MKKS: variants seen among roughly 807,000 people sequenced by gnomAD.
MKKS encodes molecular chaperone MKKS.
MKKS carries 29 observed loss-of-function variants against 33.2 expected under a neutral mutation model. That is an observed-to-expected ratio of 0.87 (90% CI 0.65 to 1.19). MKKS has a LOEUF of 1.19. MKKS is among the 50% of genes most tolerant of loss of function. The probability of loss-of-function intolerance (pLI) is 0.00; values close to 1 mark genes in which losing one functional copy is unlikely to be tolerated. For missense variants in MKKS, 661 were observed against 662.3 expected (o/e 1.00, Z 0.02); for synonymous variants, 260 against 244.0 (o/e 1.07, Z -0.61).
At position 10,405,365 on chromosome 20, in the gene MKKS, C is replaced by A. The variant is rs1545; in HGVS notation, c.1595G>T (p.Gly532Val). Residue 532 changes from glycine to valine, a missense_variant, in exon 6 of 6, where the codon GGC becomes GTC. Coordinates refer to ENST00000347364, the MANE Select transcript of MKKS (RefSeq NM_170784.3). The stretch of plus-strand genomic sequence containing the variant: ...GTCCAAGGTCAGGTTGCTGGCTGAG[C>A]CCACAGCTTCATGTGGAAGGCAGCT... Reference protein sequence around the residue: ...PQSCLPHEAVGSASNLTLDCL... With the variant: ...PQSCLPHEAVVSASNLTLDCL... 0.13 allele frequency: 203,759 copies of A among 1,613,980 alleles called. 14,382 individuals carry two copies. The highest frequency in any genetic ancestry group is 0.24 in the East Asian group (10,961 of 44,868).
rs796379770 is a variant in MKKS at position 10,426,658 on chromosome 20, A to G, written c.-648-5900T>C. ...AGTGATATGTCCGCCTCAGCCTCCC[A>G]AAGTGCTGGGATTACAGGCATGAGC... On this transcript the variant is annotated intron_variant, in intron 1 of 5. Transcript: ENST00000347364. 4.6e-5 allele frequency among the ~76,000 whole-genome samples: 7 copies of G among 152,330 alleles called. 1 individual carries two copies. Among genetic ancestry groups the G allele is most frequent in the African/African-American group, 1.7e-4 (7 of 41,584 alleles).
intron 1 of MKKS, among the ~76,000 whole-genome samples, chr20:10,426,675 G>A (rs113297510): frequency 0.014 from 2,071 of 152,346 alleles, 40 homozygotes; most frequent in African/African-American, 0.045. Context: ...TGGGATTACA[G>A]GCATGAGCCA....
At position 10,405,327 on chromosome 20, in the gene MKKS, T is replaced by C; in HGVS notation, c.1633A>G (p.Lys545Glu). 1 of 1,614,138 alleles carries C rather than the reference T, an allele frequency of 6.2e-7. No individual in the cohort carries two copies. The highest frequency in any genetic ancestry group is 8.5e-7 in the Non-Finnish European group (1 of 1,179,974). ...SNLTLDCLTA[K>E]LSGLQVAVET... ...ACAGCCACCTGTAGGCCACTAAGCTTTGCAGTCAAACAGTCCAAGGTCAGG... is the reference window on the plus strand; with the variant it reads ...ACAGCCACCTGTAGGCCACTAAGCTCTGCAGTCAAACAGTCCAAGGTCAGG... The change falls in exon 6 of 6, where the codon AAG becomes GAG. Residue 545 changes from lysine (K) to glutamate (E), a missense_variant. By Grantham distance (56) the Lys-to-Glu change is moderately conservative. Transcript: ENST00000347364.
chr20:10,412,561 C>T lies in MKKS; in HGVS notation c.954G>A (p.Val318=), dbSNP rs775662556. Residue 318 remains valine, a synonymous_variant, in exon 3 of 6, where the codon GTG becomes GTA. Coordinates refer to ENST00000347364, the MANE Select transcript of MKKS (RefSeq NM_170784.3). The part of the protein sequence containing the change: ...HRIIAIDRIG[V]TLMEPLTKMT... ...TTTTAGTCAGGGGTTCCATCAGAGT[C>T]ACTCCAATTCTGTCTATGGCAATAA... The T allele has an allele frequency of 5.6e-6, 9 of 1,613,984 alleles. No homozygotes were observed. Among genetic ancestry groups the T allele is most frequent in the Non-Finnish European group, 7.6e-6 (9 of 1,179,998 alleles).
intron 2 of MKKS, among the ~76,000 whole-genome samples, chr20:10,417,667 T>TCC (rs1214116222): frequency 3.5e-5 from 2 of 56,358 alleles, no homozygotes; most frequent in Non-Finnish European, 7.1e-5. Context: ...TGTAGCCTTC[T>TCC]CTGTAAAAAA....
intron 4 of MKKS, among the ~76,000 whole-genome samples, chr20:10,408,231 G>A (rs6133908): frequency 0.14 from 20,667 of 152,076 alleles, 1,527 homozygotes; most frequent in East Asian, 0.24. Context: ...CATTTCCCTT[G>A]TATAAAAGTT....
chr20:10,410,054 A>G (rs2064871732), intron 3 of MKKS, among the ~76,000 whole-genome samples: 1 of 151,826 alleles, frequency 6.6e-6, no homozygotes, highest in Admixed American at 6.6e-5. Flanking sequence ...ATAGAATATA[A>G]TCACTAAACA....
chr20:10,421,099 AGAGT>A (rs1297196729), intron 1 of MKKS, among the ~76,000 whole-genome samples: 1 of 150,972 alleles, frequency 6.6e-6, no homozygotes, highest in African/African-American at 2.4e-5. Flanking sequence ...GAGCCACAAT[AGAGT>A]AAGAGCCTTT....
rs73072852 is a variant in MKKS, at chr20:10,431,086, C to A, written c.-649+3022G>T. Reference sequence around the variant, plus strand: ...TATACATTCATAGCTTAGTACAGTGCCTAGCATGTGGGAAGTGCTCAATAC... The same window carrying A: ...TATACATTCATAGCTTAGTACAGTGACTAGCATGTGGGAAGTGCTCAATAC... On this transcript the variant is annotated intron_variant, in intron 1 of 5. Coordinates refer to ENST00000347364, the MANE Select transcript of MKKS (RefSeq NM_170784.3). Among the ~76,000 whole-genome samples, 1,164 of 152,224 alleles carry A rather than the reference C, an allele frequency of 7.6e-3. 9 individuals are homozygous for A. Among genetic ancestry groups the A allele is most frequent in the Non-Finnish European group, 0.012 (792 of 68,020 alleles).
rs987687550 is a variant in MKKS at position 10,404,426 on chromosome 20, T to C, written c.*821A>G. On this transcript the variant is annotated 3_prime_UTR_variant, in exon 6 of 6. Coordinates refer to ENST00000347364, the MANE Select transcript of MKKS (RefSeq NM_170784.3). ...ACAGGAGGGTGCTACTGGCATCTAG[T>C]GTGCAGAGGCCAGGGATGCTGCTCA... The C allele has an allele frequency of 1.3e-5, 2 of 151,312 alleles. No individual in the cohort carries two copies. The highest frequency in any genetic ancestry group is 2.9e-5 in the Non-Finnish European group (2 of 67,894). The allele number at this position is 151,312 out of a possible 1,614,324, so 9.4% of individuals were successfully genotyped here.
Position 10,413,264 on chromosome 20 carries a change from T to C in MKKS, c.251A>G (p.His84Arg), listed in dbSNP as rs2064908864. Reference protein sequence around the residue: ...LKILTASIQNHVSSFSDCGLF... With the variant: ...LKILTASIQNRVSSFSDCGLF... ...GCCACAATCACTGAAGCTTGACACA[T>C]GATTCTGTATGGAGGCTGTCAGGAT... The change falls in exon 3 of 6, where the codon CAT becomes CGT. Residue 84 changes from histidine (H) to arginine (R), a missense_variant. By Grantham distance (29) the His-to-Arg change is conservative. Transcript: ENST00000347364. 2 of 1,614,100 alleles carry C rather than the reference T, an allele frequency of 1.2e-6. No individual in the cohort carries two copies. The highest frequency in any genetic ancestry group is 1.7e-6 in the Non-Finnish European group (2 of 1,180,044).
At chr20:10,421,675 G>A (rs1715975688) in intron 1 of MKKS, among the ~76,000 whole-genome samples, 1 of 152,020 alleles carries the variant, frequency 6.6e-6, no homozygotes, top group Non-Finnish European at 1.5e-5. Context: ...TGTTTGCCCT[G>A]AATCACTAGA....
chr20:10,418,450 G>A (rs1410841265), intron 2 of MKKS, among the ~76,000 whole-genome samples: 1 of 152,052 alleles, frequency 6.6e-6, no homozygotes, highest in Admixed American at 6.6e-5. Flanking sequence ...ACAAATAAAT[G>A]CATTCTTTTG....
intron 1 of MKKS, among the ~76,000 whole-genome samples, chr20:10,427,029 GACACAC>G (rs377703248): frequency 0.064 from 8,402 of 130,632 alleles, 292 homozygotes; most frequent in Middle Eastern, 0.093. Flanking sequence ...AGAAAACACT[GACACAC>G]ACACACACAC....
intron 1 of MKKS, among the ~76,000 whole-genome samples, chr20:10,421,426 A>C (rs949356262): frequency 1.4e-4 from 22 of 152,176 alleles, no homozygotes; most frequent in African/African-American, 5.1e-4. Flanking sequence ...CAAAAAAAAA[A>C]AAAAAAAAAT....
At chr20:10,411,163 T>C (rs1466638757) in intron 3 of MKKS, among the ~76,000 whole-genome samples, 2 of 151,806 alleles carry the variant, frequency 1.3e-5, no homozygotes, top group African/African-American at 4.8e-5. Context: ...TTTTTTTGTA[T>C]TTTTAGTAGA....
intron 1 of MKKS, among the ~76,000 whole-genome samples, chr20:10,421,766 T>C (rs1237547601): frequency 6.6e-6 from 1 of 151,672 alleles, no homozygotes; most frequent in African/African-American, 2.4e-5. Context: ...ACAAAGTTAG[T>C]TAGCTTTTAA....
chr20:10,425,995 TTTG>T lies in MKKS; in HGVS notation c.-648-5240_-648-5238del, dbSNP rs1290605736. On this transcript the variant is annotated intron_variant, in intron 1 of 5. Coordinates refer to ENST00000347364, the MANE Select transcript of MKKS (RefSeq NM_170784.3). The stretch of plus-strand genomic sequence containing the variant: ...TATAGTTTCATTTACTAAAATGTCT[TTTG>T]TTAAGTTTAGAAAAAGTTTAGAGGC... Among the ~76,000 whole-genome samples the T allele has an allele frequency of 2.6e-5, 4 of 152,338 alleles. No individual in the cohort carries two copies. The East Asian group carries it at 7.7e-4, about 29-fold the overall frequency.
intron 1 of MKKS, among the ~76,000 whole-genome samples, chr20:10,433,321 A>G (rs1230655212): frequency 6.6e-6 from 1 of 152,154 alleles, no homozygotes; most frequent in East Asian, 1.9e-4. Context: ...AATATTTTCT[A>G]TCCGCAGTTG....
Sources: allele counts gnomAD v4.1 joint callset (sites outside exome capture counted in the v4.1 genomes callset), GRCh38; gene constraint gnomAD v4.1.1; transcripts MANE v1.5; gene names NCBI Gene and HGNC (gene_info 2026-07-23, HGNC 2026-07-21).